The following RBBP9 variants were observed in gnomAD, a reference collection of about 807,000 sequenced individuals.
RBBP9 encodes the protein RB binding protein 9, serine hydrolase, also known as serine hydrolase RBBP9.
In RBBP9, 20 loss-of-function variants were observed where a neutral mutation model predicts 24.2. The ratio of observed to expected loss-of-function variants is 0.83; its 90% CI spans 0.58 to 1.20. The LOEUF is 1.20. Ranked by LOEUF, RBBP9 falls within the 50% of genes most tolerant of loss-of-function variation. The pLI is 0.00. For synonymous variants in RBBP9, 74 were observed against 84.6 expected (o/e 0.87, Z 0.69); for missense variants, 234 against 233.6 (o/e 1.00, Z -0.01).
In RBBP9 at chr20:18,494,077, G is replaced by A; in HGVS notation, c.143-14C>T. The A allele has an allele frequency of 1.2e-6, 2 of 1,605,694 alleles. No individual in the cohort carries two copies. Among genetic ancestry groups the A allele is most frequent in the Non-Finnish European group, 1.7e-6 (2 of 1,173,568 alleles). On this transcript the variant is annotated splice_polypyrimidine_tract_variant and intron_variant, in intron 2 of 4. Coordinates refer to ENST00000337227, the MANE Select transcript of RBBP9 (RefSeq NM_006606.3). ...CTCGTGCTGTAACTTAAGGTTCAGGGTAAAGAAAAAGTCTGTCATTTGATA... is the reference window on the plus strand; with the variant it reads ...CTCGTGCTGTAACTTAAGGTTCAGGATAAAGAAAAAGTCTGTCATTTGATA...
chr20:18,490,500 G>A lies in RBBP9; in HGVS notation c.249-20C>T. 6.4e-7 allele frequency: 1 copy of A among 1,553,452 alleles called. No homozygotes were observed. The highest frequency in any genetic ancestry group is 1.1e-5 in the South Asian group (1 of 89,670). On this transcript the variant is annotated intron_variant, in intron 3 of 4. Transcript: ENST00000337227. ...GCATACCTGGAGAAACAAAAATGAT[G>A]TCAGCTAATATATAATGTTACCTCT...
chr20:18,495,905 G>A, intron 1 of RBBP9, 25 bp from the exon 2 acceptor site: 1 of 1,494,900 alleles, frequency 6.7e-7, no homozygotes, highest in Non-Finnish European at 9.1e-7. Flanking sequence ...GGGAGAAAAA[G>A]CTATAATAAA....
rs998650301 is a variant in RBBP9 at position 18,489,310 on chromosome 20, G to T, written c.*454C>A. 3.9e-5 allele frequency: 6 copies of T among 153,126 alleles called. No individual in the cohort carries two copies. Among genetic ancestry groups the T allele is most frequent in the African/African-American group, 1.2e-4 (5 of 41,464 alleles). The allele number at this position is 153,126 out of a possible 1,614,324, so 9.5% of individuals were successfully genotyped here. A position where few individuals can be genotyped will look rare whatever the true frequency, so the allele number is the denominator to read the frequency against. On this transcript the variant is annotated 3_prime_UTR_variant, in exon 5 of 5. Transcript: ENST00000337227. ...TGAGTTTAATGTCTGGGGCCAGCTTGAAACAGCAGCTAGTATTTTGAGCTC... is the reference window on the plus strand; with the variant it reads ...TGAGTTTAATGTCTGGGGCCAGCTTTAAACAGCAGCTAGTATTTTGAGCTC...
rs2059884549 is a variant in RBBP9, at chr20:18,495,839, T to G, written c.141A>C (p.Pro47=). The G allele has an allele frequency of 1.3e-6, 2 of 1,563,260 alleles. No individual in the cohort carries two copies. Among genetic ancestry groups the G allele is most frequent in the Non-Finnish European group, 1.8e-6 (2 of 1,135,958 alleles). Residue 47 remains proline (P), a splice_region_variant and synonymous_variant, in exon 2 of 5, where the codon CCA becomes CCC. Transcript: ENST00000337227. ...TTTAAAAACAAGTTTAAAACTTACT[T>G]GGGTCGGGCATGTTTTTAGCCAAAC... ...FQCLAKNMPD[P]ITARESIWLP...
rs748295433 is a variant in RBBP9, at chr20:18,489,999, A to G, written c.335-9T>C. The G allele has an allele frequency of 4.5e-5, 67 of 1,499,946 alleles. No individual in the cohort carries two copies. Among genetic ancestry groups the G allele is most frequent in the South Asian group, 6.0e-5 (5 of 83,270 alleles). The allele number at this position is 1,499,946 out of a possible 1,614,324, so 92.9% of individuals were successfully genotyped here. ...GGGGCGGGTGAAGTATCCTATGGGG[A>G]AAAAAAAATGATCTTTCAGTACCCA... On this transcript the variant is annotated splice_polypyrimidine_tract_variant and intron_variant, in intron 4 of 4. Transcript: ENST00000337227.
In RBBP9 at chr20:18,493,953, C is replaced by T. The variant is rs190951936; in HGVS notation, c.248+5G>A. 2.3e-5 allele frequency: 36 copies of T among 1,599,736 alleles called. No homozygotes were observed. The Middle Eastern group carries it at 6.7e-4, about 30-fold the overall frequency. On this transcript the variant is annotated splice_donor_5th_base_variant and intron_variant, in intron 3 of 4. Transcript: ENST00000337227. The stretch of plus-strand genomic sequence containing the variant: ...AAGGGGATAGCAGTTTAACAAAGAT[C>T]GCACCTCATGGCCGCGATGGCCCCA...
rs188976701 is a variant in RBBP9, at chr20:18,492,720, G to C, written c.248+1238C>G. On this transcript the variant is annotated intron_variant, in intron 3 of 4. Transcript: ENST00000337227. ...TCTACAACCTTAACCCAATCGTTTT[G>C]GCATCCATTTTTCTCCTTGCCTCCC... Among the ~76,000 whole-genome samples the C allele has an allele frequency of 2.7e-3, 409 of 152,210 alleles. 8 individuals are homozygous for C. The highest frequency in any genetic ancestry group is 9.3e-3 in the African/African-American group (387 of 41,524).
At chr20:18,493,198 A>G (rs901144315) in intron 3 of RBBP9, among the ~76,000 whole-genome samples, 4 of 152,184 alleles carry the variant, frequency 2.6e-5, no homozygotes, top group African/African-American at 9.6e-5. Context: ...TATAAGGCTA[A>G]AAGGGGAGAT....
chr20:18,491,989 C>T (rs1568587046), intron 3 of RBBP9, among the ~76,000 whole-genome samples: 1 of 147,910 alleles, frequency 6.8e-6, no homozygotes, highest in African/African-American at 2.5e-5. Context: ...CTCAGCTACT[C>T]GGGAGGCTAA....
intron 3 of RBBP9, among the ~76,000 whole-genome samples, chr20:18,493,042 C>T (rs1338759789): frequency 6.6e-6 from 1 of 152,174 alleles, no homozygotes. Context: ...CCCTGACATG[C>T]AATTCATGTG....
chr20:18,495,578 GATCA>G (rs1289766663), intron 2 of RBBP9, among the ~76,000 whole-genome samples: 4 of 56,100 alleles, frequency 7.1e-5, no homozygotes, highest in Admixed American at 4.6e-4. Flanking sequence ...ACCCAAGAAT[GATCA>G]ATAAATAAAT....
Position 18,497,058 on chromosome 20 carries a change from T to C in RBBP9, c.99+11A>G, listed in dbSNP as rs1258741565. ...GGCTGACTTCACGGAGCAGCGGCGT[T>C]GGGCGCTTACCTTCTCCAGCTCCTT... is the stretch of plus-strand genomic sequence containing the variant. On this transcript the variant is annotated intron_variant, in intron 1 of 4. Transcript: ENST00000337227. The C allele has an allele frequency of 1.9e-6, 3 of 1,612,052 alleles. No individual in the cohort carries two copies. The highest frequency in any genetic ancestry group is 1.7e-5 in the Admixed American group (1 of 60,024).
At chr20:18,495,702 G>A in intron 2 of RBBP9, 136 bp downstream of exon 2, 1 of 610,450 alleles carries the variant, frequency 1.6e-6, no homozygotes, top group South Asian at 2.6e-5. Flanking sequence ...TCCTCCCCAA[G>A]CTGCTTGCCT....
chr20:18,489,814 ACT>A lies in RBBP9; in HGVS notation c.509_510del (p.Glu170ValfsTer3), dbSNP rs764060073. 2.5e-5 allele frequency: 40 copies of A among 1,613,854 alleles called. No homozygotes were observed. The East Asian group carries it at 4.7e-4, about 19-fold the overall frequency. ...FTDCGHFQNT[E>X]FHELITVVKS... ...TTTACAACAGTAATCAGTTCATGAA[ACT>A]CTGTGTTCTGAAAGTGGCCACAGTC... On this transcript the variant is annotated frameshift_variant, in exon 5 of 5. Transcript: ENST00000337227. LOFTEE classifies it high-confidence loss of function.
chr20:18,493,879 T>A (rs1408868002), intron 3 of RBBP9, 79 bp downstream of exon 3: 1 of 1,120,286 alleles, frequency 8.9e-7, no homozygotes, highest in Non-Finnish European at 1.3e-6. Context: ...CAACAGAAAT[T>A]TAAGATATAC....
At position 18,490,427 on chromosome 20, in the gene RBBP9, G is replaced by A; in HGVS notation, c.302C>T (p.Ser101Leu). Residue 101 changes from serine (S) to leucine (L), a missense_variant, in exon 4 of 5, where the codon TCA becomes TTA. Physicochemically the swap from Ser to Leu is moderately radical, Grantham distance 145. Coordinates refer to ENST00000337227, the MANE Select transcript of RBBP9 (RefSeq NM_006606.3). ...ACGCTCATTTTCATCCCCCAAGTCT[G>A]ATGTGTACGCAGACACTAATACAAT... Reference protein sequence around the residue: ...YAIVLVSAYTSDLGDENERAS... With the variant: ...YAIVLVSAYTLDLGDENERAS... The A allele has an allele frequency of 6.2e-7, 1 of 1,613,900 alleles. No homozygotes were observed. The highest frequency in any genetic ancestry group is 8.5e-7 in the Non-Finnish European group (1 of 1,179,848).
chr20:18,492,956 A>G (rs1002115158), intron 3 of RBBP9, among the ~76,000 whole-genome samples: 7 of 152,178 alleles, frequency 4.6e-5, no homozygotes, highest in African/African-American at 1.4e-4. Flanking sequence ...GTGTACCATA[A>G]TTTTGTGGTT....
At position 18,497,200 on chromosome 20, in the gene RBBP9, G is replaced by A. The variant is rs748009643; in HGVS notation, c.-33C>T. Reference sequence around the variant, plus strand: ...GCGAGGCCAGAGTTCCCCAGCGCGGGTCCAGCGGAGCTGAGCCCAGCCTGC... The same window carrying A: ...GCGAGGCCAGAGTTCCCCAGCGCGGATCCAGCGGAGCTGAGCCCAGCCTGC... On this transcript the variant is annotated 5_prime_UTR_variant, in exon 1 of 5. Transcript: ENST00000337227. 22 of 1,566,364 alleles carry A rather than the reference G, an allele frequency of 1.4e-5. No homozygotes were observed. The highest frequency in any genetic ancestry group is 1.8e-5 in the Non-Finnish European group (20 of 1,138,788).
Position 18,497,154 on chromosome 20 carries a change from C to G in RBBP9, c.14G>C (p.Ser5Thr). 3 of 1,613,978 alleles carry G rather than the reference C, an allele frequency of 1.9e-6. No homozygotes were observed. The highest frequency in any genetic ancestry group is 1.1e-5 in the South Asian group (1 of 91,074). The change falls in exon 1 of 5, where the codon AGC becomes ACC. Residue 5 changes from serine (S) to threonine (T), a missense_variant. Coordinates refer to ENST00000337227, the MANE Select transcript of RBBP9 (RefSeq NM_006606.3). MASP[S>T]KAVIVPGNGG... ...GTTCCCGGGAACAATCACTGCCTTG[C>G]TAGGAGAAGCCATGAGTGCAGCGAG...
Sources: allele counts gnomAD v4.1 joint callset (sites outside exome capture counted in the v4.1 genomes callset), GRCh38; gene constraint gnomAD v4.1.1; transcripts MANE v1.5; gene names NCBI Gene and HGNC (gene_info 2026-07-23, HGNC 2026-07-21).